KIF26B: variants seen among roughly 807,000 people sequenced by gnomAD.
The protein encoded by KIF26B is kinesin-like protein KIF26B.
KIF26B carries 63 observed loss-of-function variants against 151.2 expected under a neutral mutation model. The ratio of observed to expected loss-of-function variants is 0.42; its 90% CI spans 0.34 to 0.51. The LOEUF (loss-of-function observed/expected upper bound fraction) is 0.51. KIF26B is among the 20% of genes least tolerant of loss of function. The pLI, the probability that KIF26B is intolerant of heterozygous loss-of-function variation, is 0.07. For missense variants in KIF26B, 2,813 were observed against 2,913.6 expected, an observed-to-expected ratio of 0.97 and a Z score of 0.79; for synonymous variants, 1,357 against 1,262.1, an observed-to-expected ratio of 1.08 and a Z score of -1.59.
intron 2 of KIF26B, among the ~76,000 whole-genome samples, chr1:245,288,326 A>G (rs992823728): frequency 1.3e-5 from 2 of 152,106 alleles, no homozygotes; most frequent in South Asian, 2.1e-4. Flanking sequence ...CCCATTTCAC[A>G]CTAATCTCCT....
chr1:245,428,989 T>TGGGGGGGGGGGGGGGGGG (rs1558162150), intron 4 of KIF26B, among the ~76,000 whole-genome samples: 23 of 81,572 alleles, frequency 2.8e-4, no homozygotes, highest in South Asian at 4.5e-4. Context: ...GGGGCGGGGG[T>TGGGGGGGGGGGGGGGGGG]GGGGGGCAGT....
intron 2 of KIF26B, among the ~76,000 whole-genome samples, chr1:245,202,587 C>T (rs1204529345): frequency 2.6e-5 from 4 of 152,026 alleles, no homozygotes; most frequent in South Asian, 4.2e-4. Context: ...GGTGAAACCG[C>T]GTCTTTACTA....
intron 4 of KIF26B, among the ~76,000 whole-genome samples, chr1:245,450,467 C>G (rs567193538): frequency 6.6e-6 from 1 of 152,196 alleles, no homozygotes; most frequent in Non-Finnish European, 1.5e-5. Flanking sequence ...TGATCTAATC[C>G]TTTCTCAAAG....
intron 4 of KIF26B, among the ~76,000 whole-genome samples, chr1:245,452,100 T>C (rs1379419571): frequency 6.6e-6 from 1 of 152,050 alleles, no homozygotes; most frequent in African/African-American, 2.4e-5. Context: ...AACTCCCCAC[T>C]CTCCTCCCCT....
intron 2 of KIF26B, among the ~76,000 whole-genome samples, chr1:245,258,339 C>A (rs1195298610): frequency 6.6e-6 from 1 of 152,090 alleles, no homozygotes; most frequent in Non-Finnish European, 1.5e-5. Context: ...TCTGGGGCCC[C>A]GTGAGATGTG....
At chr1:245,406,195 T>C (rs1674131968) in intron 3 of KIF26B, among the ~76,000 whole-genome samples, 1 of 152,158 alleles carries the variant, frequency 6.6e-6, no homozygotes, top group African/African-American at 2.4e-5. Context: ...CTGGGGAAAT[T>C]GAGGCAAAGA....
Position 245,480,255 on chromosome 1 carries a change from A to G in KIF26B, c.1166+60510A>G, listed in dbSNP as rs1392409775. Reference sequence around the variant, plus strand: ...GACCGTGCCACTGCACTCCAGCCTGAGCAACAAAGACCCTGTCTCGGGGGG... The same window carrying G: ...GACCGTGCCACTGCACTCCAGCCTGGGCAACAAAGACCCTGTCTCGGGGGG... On this transcript the variant is annotated intron_variant, in intron 4 of 14. Coordinates refer to ENST00000407071, the MANE Select transcript of KIF26B (RefSeq NM_018012.4). 6.4e-3 allele frequency among the ~76,000 whole-genome samples: 23 copies of G among 3,572 alleles called. 1 individual carries two copies. Among genetic ancestry groups the G allele is most frequent in the Non-Finnish European group, 1.4e-3 (1 of 716 alleles). 2.3% of individuals were successfully genotyped at this position (3,572 alleles called of 152,430 possible). A position where few individuals can be genotyped will look rare whatever the true frequency, so the allele number is the denominator to read the frequency against.
intron 3 of KIF26B, among the ~76,000 whole-genome samples, chr1:245,390,118 C>CG (rs34991704): frequency 0.11 from 16,146 of 151,298 alleles, 1,096 homozygotes; most frequent in East Asian, 0.24. Context: ...AAGGTGGTCA[C>CG]GCCAAGCTAT....
intron 2 of KIF26B, among the ~76,000 whole-genome samples, chr1:245,223,213 G>A (rs1241825546): frequency 6.6e-6 from 1 of 152,152 alleles, no homozygotes; most frequent in Non-Finnish European, 1.5e-5. Flanking sequence ...CAGTGCTGAA[G>A]CTGAGAACCC....
intron 5 of KIF26B, among the ~76,000 whole-genome samples, chr1:245,552,949 G>A (rs10802221): frequency 0.33 from 49,715 of 152,064 alleles, 8,603 homozygotes; most frequent in Non-Finnish European, 0.38. Flanking sequence ...GGGCAGTGCG[G>A]GGAGGCAGGG....
chr1:245,242,973 T>C (rs1254997876), intron 2 of KIF26B, among the ~76,000 whole-genome samples: 1 of 152,192 alleles, frequency 6.6e-6, no homozygotes, highest in Non-Finnish European at 1.5e-5. Flanking sequence ...TTACTTCTCC[T>C]ATGGATGGAC....
chr1:245,685,335 C>T lies in KIF26B; in HGVS notation c.2422-70C>T, dbSNP rs73127007. 1.4e-3 allele frequency: 1,872 copies of T among 1,306,166 alleles called. 15 individuals carry two copies. The African/African-American group carries it at 0.018, about 13-fold the overall frequency. The allele number at this position is 1,306,166 out of a possible 1,614,324, so 80.9% of individuals were successfully genotyped here. A position where few individuals can be genotyped will look rare whatever the true frequency, so the allele number is the denominator to read the frequency against. ...GTCGTCAGGGGCCTTCACCACTTGC[C>T]GCGCACAGCTGGGCTCCCGGGGAAA... is the stretch of plus-strand genomic sequence containing the variant. On this transcript the variant is annotated intron_variant, in intron 11 of 14. Transcript: ENST00000407071.
At position 245,365,215 on chromosome 1, in the gene KIF26B, G is replaced by A. The variant is rs1005735687; in HGVS notation, c.466-1619G>A. Reference sequence around the variant, plus strand: ...GCCCTGTCATCGAGGAGGACGCCTCGAGACAGGCCTCATATGGTTTGCATC... The same window carrying A: ...GCCCTGTCATCGAGGAGGACGCCTCAAGACAGGCCTCATATGGTTTGCATC... On this transcript the variant is annotated intron_variant, in intron 2 of 14. Coordinates refer to ENST00000407071, the MANE Select transcript of KIF26B (RefSeq NM_018012.4). Among the ~76,000 whole-genome samples, 74 of 152,134 alleles carry A rather than the reference G, an allele frequency of 4.9e-4. 4 individuals are homozygous for A. Among genetic ancestry groups the A allele is most frequent in the African/African-American group, 1.2e-4 (5 of 41,436 alleles).
intron 4 of KIF26B, among the ~76,000 whole-genome samples, chr1:245,471,936 C>T (rs537919105): frequency 8.9e-4 from 135 of 152,182 alleles, no homozygotes; most frequent in African/African-American, 3.1e-3. Flanking sequence ...AGATTACAGG[C>T]GCCCGCCACC....
chr1:245,315,499 A>G (rs1671751122), intron 2 of KIF26B, among the ~76,000 whole-genome samples: 1 of 152,068 alleles, frequency 6.6e-6, no homozygotes, highest in African/African-American at 2.4e-5. Context: ...AGGCAGGTGG[A>G]TCACCTGAGG....
At chr1:245,693,619 C>T (rs1263805436) in intron 12 of KIF26B, among the ~76,000 whole-genome samples, 3 of 152,186 alleles carry the variant, frequency 2.0e-5, no homozygotes, top group Non-Finnish European at 2.9e-5. Context: ...ACTGATGGGC[C>T]TGTCTTGTGA....
intron 3 of KIF26B, among the ~76,000 whole-genome samples, chr1:245,401,289 G>A (rs1673995024): frequency 6.6e-6 from 1 of 152,172 alleles, no homozygotes; most frequent in South Asian, 2.1e-4. Flanking sequence ...GGAGACATAA[G>A]GGCCCTTAGA....
At chr1:245,210,536 G>A (rs1264289784) in intron 2 of KIF26B, among the ~76,000 whole-genome samples, 1 of 106,226 alleles carries the variant, frequency 9.4e-6, no homozygotes, top group Non-Finnish European at 2.0e-5. Context: ...ACTGTATTTG[G>A]ATTATATTGT....
chr1:245,500,584 A>G (rs1221090194), intron 4 of KIF26B, among the ~76,000 whole-genome samples: 1 of 152,208 alleles, frequency 6.6e-6, no homozygotes, highest in African/African-American at 2.4e-5. Flanking sequence ...CAAGCGTTTC[A>G]TCTCCTTTTG....
Sources: gnomAD v4.1 joint callset for allele counts (sites outside exome capture counted in the v4.1 genomes callset) on GRCh38, gnomAD v4.1.1 for gene constraint, MANE v1.5 for transcripts, NCBI Gene and HGNC (gene_info 2026-07-23, HGNC 2026-07-21) for gene names.